Variants in TES observed in about 807,000 individuals in gnomAD.
TES encodes the protein testin.
Under a neutral mutation model 48.2 loss-of-function variants are expected in TES, and 41 were observed. The ratio of observed to expected loss-of-function variants is 0.85; its 90% confidence interval spans 0.66 to 1.10. The LOEUF (loss-of-function observed/expected upper bound fraction) is 1.10. Ranked by LOEUF, TES falls within the 50% of genes least tolerant of loss-of-function variation. The probability of loss-of-function intolerance (pLI) is 0.00; values close to 1 mark genes in which losing one functional copy is unlikely to be tolerated. For synonymous variants in TES, 162 were observed against 174.9 expected (o/e 0.93, Z 0.58); for missense variants, 463 against 515.1 (o/e 0.90, Z 0.98).
chr7:116,228,294 AT>A (rs1198021854), intron 1 of TES, among the ~76,000 whole-genome samples: 3 of 151,882 alleles, frequency 2.0e-5, no homozygotes, highest in African/African-American at 7.3e-5. Flanking sequence ...AGTCACTTTT[AT>A]TTTTTTCTTA....
intron 1 of TES, among the ~76,000 whole-genome samples, chr7:116,230,258 G>A (rs533683500): frequency 1.3e-5 from 2 of 152,172 alleles, no homozygotes; most frequent in Admixed American, 6.5e-5. Flanking sequence ...TGTCTGTGAT[G>A]TTTAAAAGTT....
At chr7:116,254,727 C>T (rs142826883) in intron 6 of TES, among the ~76,000 whole-genome samples, 22 of 138,346 alleles carry the variant, frequency 1.6e-4, no homozygotes, top group Middle Eastern at 3.6e-3. Context: ...ATTGATAGTG[C>T]GACACTCCGT....
rs1799422990 is a variant in TES at position 116,210,594 on chromosome 7, CG to C, written c.-112del. On this transcript the variant is annotated 5_prime_UTR_variant, in exon 1 of 7. Transcript: ENST00000358204. Reference sequence around the variant, plus strand: ...CGGCGCCGGGCGAGTGGCTGTTGAGCGGCGCCGCGGGAGTTCCGCAGGTTTC... The same window carrying C: ...CGGCGCCGGGCGAGTGGCTGTTGAGCGCGCCGCGGGAGTTCCGCAGGTTTC... The C allele has an allele frequency of 8.7e-7, 1 of 1,154,732 alleles. No homozygotes were observed. 71.5% of individuals were successfully genotyped at this position (1,154,732 alleles called of 1,614,324 possible).
At chr7:116,224,384 AATG>A (rs1799595483) in intron 1 of TES, among the ~76,000 whole-genome samples, 1 of 152,176 alleles carries the variant, frequency 6.6e-6, no homozygotes, top group South Asian at 2.1e-4. Flanking sequence ...ATTTGAAAAG[AATG>A]ATATTTTGCT....
chr7:116,234,798 C>T (rs1424748010), intron 2 of TES, among the ~76,000 whole-genome samples, 179 bp downstream of exon 2: 1 of 152,170 alleles, frequency 6.6e-6, no homozygotes, highest in Non-Finnish European at 1.5e-5. Flanking sequence ...TTAAGTTTGA[C>T]TTAGTGAATT....
chr7:116,252,024 T>C lies in TES; in HGVS notation c.918+49T>C, dbSNP rs772989385. ...ATGCTGGTGCCCTCTTAGACCCTCA[T>C]ATGGTCCCTTTACCTAGAAGGCAAC... On this transcript the variant is annotated intron_variant, in intron 5 of 6. Transcript: ENST00000358204. 1.9e-6 allele frequency: 3 copies of C among 1,568,228 alleles called. No homozygotes were observed. The South Asian group carries it at 3.3e-5, about 17-fold the overall frequency.
intron 1 of TES, among the ~76,000 whole-genome samples, chr7:116,233,030 A>G (rs760294504): frequency 2.9e-4 from 44 of 152,260 alleles, no homozygotes; most frequent in Admixed American, 1.4e-3. Context: ...TGATCTTTCA[A>G]GGAACCAGTT....
chr7:116,245,380 C>A lies in TES; in HGVS notation c.114-3640C>A, dbSNP rs139480548. On this transcript the variant is annotated intron_variant, in intron 2 of 6. Coordinates refer to ENST00000358204, the MANE Select transcript of TES (RefSeq NM_015641.4). ...AGGGCAGGGGCAAAATGCCACCAGT[C>A]TCTTTGAATAGCCAGAGTGGCCTTT... Among the ~76,000 whole-genome samples the A allele has an allele frequency of 9.4e-3, 1,433 of 152,266 alleles. 99 individuals carry two copies. The highest frequency in any genetic ancestry group is 0.09 in the Admixed American group (1,376 of 15,288).
At chr7:116,215,053 C>A (rs1213227639) in intron 1 of TES, among the ~76,000 whole-genome samples, 2 of 152,204 alleles carry the variant, frequency 1.3e-5, no homozygotes, top group African/African-American at 2.4e-5. Context: ...TATCCTGTTA[C>A]ACTTACGTGG....
Position 116,220,752 on chromosome 7 carries a change from T to C in TES, c.27+10018T>C, listed in dbSNP as rs1799546186. Among the ~76,000 whole-genome samples the C allele has an allele frequency of 5.3e-5, 8 of 152,262 alleles. No homozygotes were observed. The South Asian group carries it at 1.7e-3, about 32-fold the overall frequency. On this transcript the variant is annotated intron_variant, in intron 1 of 6. Transcript: ENST00000358204. ...GAACCCTGGGTTCAGTTTTTGGCCC[T>C]GGCGTTTATTAGCTGTGTGAATTTG...
At chr7:116,210,925 C>T (rs1418170580) in intron 1 of TES, 191 bp downstream of exon 1, 1 of 396,418 alleles carries the variant, frequency 2.5e-6, no homozygotes, top group Non-Finnish European at 4.3e-6. Flanking sequence ...CCCGCCAGCT[C>T]CCCACACTCG....
rs747109325 is a variant in TES, at chr7:116,250,347, G to A, written c.553G>A (p.Glu185Lys). 15 of 1,613,710 alleles carry A rather than the reference G, an allele frequency of 9.3e-6. No individual in the cohort carries two copies. The Admixed American group carries it at 1.2e-4, about 13-fold the overall frequency. Residue 185 changes from glutamate (E) to lysine (K), a missense_variant, in exon 4 of 7, where the codon GAA (glutamate) becomes AAA (lysine). Coordinates refer to ENST00000358204, the MANE Select transcript of TES (RefSeq NM_015641.4). The stretch of plus-strand genomic sequence containing the variant: ...GCAGTTTGTGAAGAAATATAAGAGC[G>A]AAGCTCTGGGAGTAGGAGATGTCAA... ...MEQFVKKYKSEALGVGDVKLP... is the reference protein window; with the variant it reads ...MEQFVKKYKSKALGVGDVKLP...
intron 6 of TES, among the ~76,000 whole-genome samples, chr7:116,253,508 A>G (rs1800049039): frequency 6.6e-6 from 1 of 152,092 alleles, no homozygotes; most frequent in African/African-American, 2.4e-5. Flanking sequence ...GCTACCCACC[A>G]TAATGATGGA....
At chr7:116,231,285 T>C (rs1400530307) in intron 1 of TES, among the ~76,000 whole-genome samples, 2 of 152,188 alleles carry the variant, frequency 1.3e-5, no homozygotes, top group Non-Finnish European at 2.9e-5. Flanking sequence ...GTTCATGAAA[T>C]ACCACCAGCT....
intron 4 of TES, 64 bp from the exon 5 acceptor site, chr7:116,251,689 AAAAAAAG>A: frequency 1.1e-5 from 15 of 1,424,992 alleles, no homozygotes; most frequent in South Asian, 2.4e-5. Flanking sequence ...TCTCAAAAAA[AAAAAAAG>A]AAAGAAAGAA....
intron 6 of TES, among the ~76,000 whole-genome samples, chr7:116,253,526 C>T (rs1252538297): frequency 6.6e-6 from 1 of 152,088 alleles, no homozygotes; most frequent in Non-Finnish European, 1.5e-5. Flanking sequence ...GGAAAATTAT[C>T]TTCCTAAAAT....
chr7:116,241,579 A>G (rs749042211), intron 2 of TES, among the ~76,000 whole-genome samples: 33 of 152,338 alleles, frequency 2.2e-4, no homozygotes, highest in Non-Finnish European at 4.4e-4. Context: ...ACATTGGAGG[A>G]TGCAGATGAG....
At chr7:116,227,207 CCT>C (rs1037380578) in intron 1 of TES, among the ~76,000 whole-genome samples, 1 of 151,700 alleles carries the variant, frequency 6.6e-6, no homozygotes, top group African/African-American at 2.4e-5. Flanking sequence ...ACCTCTGTCC[CCT>C]GAGTTCAAGC....
In TES at chr7:116,255,225, T is replaced by A. The variant is rs574618670; in HGVS notation, c.1078-2069T>A. 1.6e-4 allele frequency: 24 copies of A among 152,290 alleles called. No individual in the cohort carries two copies. The South Asian group carries it at 4.8e-3, about 30-fold the overall frequency. 9.4% of individuals were successfully genotyped at this position (152,290 alleles called of 1,614,324 possible). The stretch of plus-strand genomic sequence containing the variant: ...GCTCATTACAACAGGTGTCATTAGC[T>A]CTTTTACATCCTGTGTACAAATAAG... On this transcript the variant is annotated intron_variant, in intron 6 of 6. Transcript: ENST00000358204.
Sources: gnomAD v4.1 joint callset for allele counts (sites outside exome capture counted in the v4.1 genomes callset) on GRCh38, gnomAD v4.1.1 for gene constraint, MANE v1.5 for transcripts, NCBI Gene and HGNC (gene_info 2026-07-23, HGNC 2026-07-21) for gene names.